Variants in PNLIPRP3 observed in about 807,000 individuals in gnomAD.
PNLIPRP3 encodes pancreatic lipase related protein 3, also known as pancreatic lipase-related protein 3.
PNLIPRP3 carries 58 observed loss-of-function variants against 52.8 expected under a neutral mutation model. That is an observed-to-expected ratio of 1.10 (90% confidence interval 0.89 to 1.37). The LOEUF (loss-of-function observed/expected upper bound fraction) is 1.37. PNLIPRP3 is among the 40% of genes most tolerant of loss of function. The probability of loss-of-function intolerance (pLI) is 0.00; values close to 1 mark genes in which losing one functional copy is unlikely to be tolerated. For missense variants in PNLIPRP3, 593 were observed against 561.6 expected, an observed-to-expected ratio of 1.06 and a Z score of -0.57; for synonymous variants, 192 against 185.0, an observed-to-expected ratio of 1.04 and a Z score of -0.31.
chr10:116,471,990 C>T, intron 10 of PNLIPRP3, 111 bp downstream of exon 10: 2 of 608,196 alleles, frequency 3.3e-6, no homozygotes, highest in Non-Finnish European at 5.7e-6. Context: ...ATTCCACAGG[C>T]TACCATGGTA....
intron 2 of PNLIPRP3, among the ~76,000 whole-genome samples, chr10:116,442,472 A>G (rs1845872542): frequency 6.6e-6 from 1 of 152,206 alleles, no homozygotes; most frequent in Non-Finnish European, 1.5e-5. Flanking sequence ...ATTTACTGAA[A>G]CTATGATTTA....
chr10:116,436,765 C>T lies in PNLIPRP3; in HGVS notation c.104C>T (p.Thr35Ile), dbSNP rs2133112478. 1 of 1,613,708 alleles carries T rather than the reference C, an allele frequency of 6.2e-7. No individual in the cohort carries two copies. The highest frequency in any genetic ancestry group is 8.5e-7 in the Non-Finnish European group (1 of 1,179,794). ...LGCFKDGLPWTRTFSTELVGL... is the reference protein window; with the variant it reads ...LGCFKDGLPWIRTFSTELVGL... ...TGTTTCAAAGATGGTTTACCATGGA[C>T]CAGGACTTTCTCAACAGAGTTGGTA... Residue 35 changes from threonine to isoleucine, a missense_variant, in exon 2 of 12, where the codon ACC becomes ATC. Physicochemically the swap from Thr to Ile is moderately conservative, Grantham distance 89 (BLOSUM62 -1). Coordinates refer to ENST00000369230, the MANE Select transcript of PNLIPRP3 (RefSeq NM_001011709.3).
At chr10:116,439,840 A>C (rs1414299458) in intron 2 of PNLIPRP3, 5 of 778,680 alleles carry the variant, frequency 6.4e-6, no homozygotes, top group South Asian at 2.7e-5. Flanking sequence ...ATCATAGCGC[A>C]CTTTAATCAC....
intron 1 of PNLIPRP3, among the ~76,000 whole-genome samples, chr10:116,433,980 G>C (rs1182948378): frequency 6.6e-6 from 1 of 152,102 alleles, no homozygotes; most frequent in Admixed American, 6.6e-5. Context: ...CCGGCATAAG[G>C]GTTCAATTAT....
intron 1 of PNLIPRP3, among the ~76,000 whole-genome samples, chr10:116,434,797 A>T (rs551679604): frequency 9.7e-4 from 147 of 152,298 alleles, no homozygotes; most frequent in Non-Finnish European, 1.4e-3. Context: ...CCAACTATGA[A>T]GTCACTGGTT....
At chr10:116,450,952 G>A (rs778049634) in intron 4 of PNLIPRP3, among the ~76,000 whole-genome samples, 4 of 151,946 alleles carry the variant, frequency 2.6e-5, no homozygotes, top group Non-Finnish European at 5.9e-5. Context: ...ATTGTGAAAT[G>A]TATATGGAAG....
intron 11 of PNLIPRP3, 26 bp from the exon 12 acceptor site, chr10:116,477,063 CT>C (rs760578584): frequency 1.8e-3 from 2,342 of 1,288,472 alleles, no homozygotes; most frequent in Admixed American, 4.4e-3. Context: ...GTTAAAATTC[CT>C]TTTTTTTTTC....
chr10:116,430,203 C>T lies in PNLIPRP3; in HGVS notation c.49+2142C>T, dbSNP rs188738866. ...ATATCTGCAGGTAGCTGGATAGACA[C>T]GCTGGGAGCTTGTAAAAGGTCTCTT... On this transcript the variant is annotated intron_variant, in intron 1 of 11. Transcript: ENST00000369230. Among the ~76,000 whole-genome samples, 190 of 152,192 alleles carry T rather than the reference C, an allele frequency of 1.2e-3. 2 individuals carry two copies. The highest frequency in any genetic ancestry group is 4.1e-3 in the African/African-American group (172 of 41,538).
chr10:116,443,148 G>T lies in PNLIPRP3; in HGVS notation c.298G>T (p.Gly100Cys). Residue 100 changes from glycine (G) to cysteine (C), a missense_variant, in exon 3 of 12, where the codon GGC becomes TGC. Physicochemically the swap from Gly to Cys is radical, Grantham distance 159. Transcript: ENST00000369230. ...RINIAGWKTD[G>C]KWQRDMCNVL... Reference sequence around the variant, plus strand: ...CAACATAGCTGGATGGAAAACAGATGGCAAATGGCAGAGAGACATGTGCAA... The same window carrying T: ...CAACATAGCTGGATGGAAAACAGATTGCAAATGGCAGAGAGACATGTGCAA... 6.2e-7 allele frequency: 1 copy of T among 1,610,576 alleles called. No individual in the cohort carries two copies. Among genetic ancestry groups the T allele is most frequent in the South Asian group, 1.1e-5 (1 of 90,542 alleles).
intron 1 of PNLIPRP3, among the ~76,000 whole-genome samples, chr10:116,435,550 G>A (rs1440876783): frequency 6.6e-6 from 1 of 152,132 alleles, no homozygotes; most frequent in Non-Finnish European, 1.5e-5. Flanking sequence ...TTATTGAGCT[G>A]TTATCTCTCG....
chr10:116,444,547 A>T (rs1845915047), intron 4 of PNLIPRP3, 34 bp downstream of exon 4: 1 of 1,591,638 alleles, frequency 6.3e-7, no homozygotes, highest in East Asian at 2.2e-5. Context: ...AATTATATTG[A>T]ATTGGTTTTG....
chr10:116,476,742 A>G lies in PNLIPRP3; in HGVS notation c.1263A>G (p.Lys421=), dbSNP rs968500643. 1 of 1,610,640 alleles carries G rather than the reference A, an allele frequency of 6.2e-7. No individual in the cohort carries two copies. The highest frequency in any genetic ancestry group is 8.5e-7 in the Non-Finnish European group (1 of 1,178,164). The change falls in exon 11 of 12, where the codon AAA becomes AAG. Residue 421 remains lysine, a synonymous_variant. Coordinates refer to ENST00000369230, the MANE Select transcript of PNLIPRP3 (RefSeq NM_001011709.3). ...TTACAAGTGTTCAGTTCATCTGGAAAAAACATTTGTTTGAAGATTCTCAGA... is the reference window on the plus strand; with the variant it reads ...TTACAAGTGTTCAGTTCATCTGGAAGAAACATTTGTTTGAAGATTCTCAGA... ...GNITSVQFIW[K]KHLFEDSQNK...
At chr10:116,465,148 C>T (rs1321544427) in intron 7 of PNLIPRP3, among the ~76,000 whole-genome samples, 1 of 152,244 alleles carries the variant, frequency 6.6e-6, no homozygotes, top group South Asian at 2.1e-4. Flanking sequence ...GGCAGGTAGT[C>T]CCCAGAGTGT....
chr10:116,455,254 G>C (rs1180216649), intron 4 of PNLIPRP3, among the ~76,000 whole-genome samples: 1 of 152,156 alleles, frequency 6.6e-6, no homozygotes, highest in Non-Finnish European at 1.5e-5. Context: ...TTGAGTTTGT[G>C]AATATTCTTA....
intron 7 of PNLIPRP3, among the ~76,000 whole-genome samples, chr10:116,462,725 A>C (rs181527591): frequency 6.6e-6 from 1 of 152,314 alleles, no homozygotes; most frequent in Admixed American, 6.5e-5. Flanking sequence ...TACGACTATG[A>C]ATCCTTTCTA....
chr10:116,430,344 C>A (rs1288831565), intron 1 of PNLIPRP3, among the ~76,000 whole-genome samples: 2 of 152,106 alleles, frequency 1.3e-5, no homozygotes, highest in African/African-American at 2.4e-5. Context: ...ACCCAGGAGT[C>A]TGGGAAAATG....
Position 116,461,037 on chromosome 10 carries a change from T to C in PNLIPRP3, c.637T>C (p.Phe213Leu). 6.2e-7 allele frequency: 1 copy of C among 1,614,100 alleles called. No homozygotes were observed. Among genetic ancestry groups the C allele is most frequent in the Non-Finnish European group, 8.5e-7 (1 of 1,180,044 alleles). Residue 213 changes from phenylalanine (F) to leucine (L), a missense_variant, in exon 6 of 12, where the codon TTT (phenylalanine) becomes CTT (leucine). Phe to Leu is a conservative substitution (Grantham distance 22). Coordinates refer to ENST00000369230, the MANE Select transcript of PNLIPRP3 (RefSeq NM_001011709.3). ...EVRLDPSDAN[F>L]VDVIHTNAAR... Reference sequence around the variant, plus strand: ...CAGGCTAGACCCCTCGGATGCCAACTTTGTTGACGTTATTCATACAAATGC... The same window carrying C: ...CAGGCTAGACCCCTCGGATGCCAACCTTGTTGACGTTATTCATACAAATGC...
At chr10:116,457,809 T>C (rs1846136857) in intron 5 of PNLIPRP3, among the ~76,000 whole-genome samples, 1 of 152,216 alleles carries the variant, frequency 6.6e-6, no homozygotes, top group Admixed American at 6.5e-5. Context: ...TATTAAGTTT[T>C]TTCAAAAATC....
chr10:116,466,013 T>C, intron 7 of PNLIPRP3, 37 bp from the exon 8 acceptor site: 4 of 1,415,248 alleles, frequency 2.8e-6, no homozygotes, highest in Non-Finnish European at 3.0e-6. Flanking sequence ...CAGTTATCAG[T>C]TAATTGCTAT....
Sources: allele counts gnomAD v4.1 joint callset (sites outside exome capture counted in the v4.1 genomes callset), GRCh38; gene constraint gnomAD v4.1.1; transcripts MANE v1.5; gene names NCBI Gene and HGNC (gene_info 2026-07-23, HGNC 2026-07-21).